The following PCDH7 variants were observed in gnomAD, a reference collection of about 807,000 sequenced individuals.
PCDH7 encodes the protein protocadherin-7.
PCDH7 carries 17 observed loss-of-function variants against 58.9 expected under a neutral mutation model. The observed-to-expected ratio is 0.29, with a 90% CI of 0.20 to 0.43. PCDH7 has a LOEUF of 0.43. Among genes scored for constraint, PCDH7 ranks in the 20% least tolerant of loss-of-function variants. PCDH7 has a pLI of 1.00. For missense variants in PCDH7, 1,274 were observed against 1,441.0 expected, an observed-to-expected ratio of 0.88 and a Z score of 1.88; for synonymous variants, 664 against 616.4, an observed-to-expected ratio of 1.08 and a Z score of -1.14.
At chr4:31,079,418 T>G (rs1480200878) in intron 3 of PCDH7, among the ~76,000 whole-genome samples, 2 of 140,992 alleles carry the variant, frequency 1.4e-5, no homozygotes, top group Non-Finnish European at 3.1e-5. Context: ...GTTATCCAAG[T>G]GGCTGGTAAA....
chr4:30,986,758 G>A (rs1349354828), intron 3 of PCDH7, among the ~76,000 whole-genome samples: 2 of 151,928 alleles, frequency 1.3e-5, no homozygotes, highest in East Asian at 1.9e-4. Context: ...CGAGGTGGGC[G>A]GATCACGAAG....
chr4:30,898,130 C>A (rs922901896), intron 1 of PCDH7, among the ~76,000 whole-genome samples: 8 of 152,146 alleles, frequency 5.3e-5, no homozygotes, highest in African/African-American at 1.9e-4. Flanking sequence ...TTTCTATTTT[C>A]TATCCATAAA....
At chr4:31,131,766 T>A (rs1235602539) in intron 3 of PCDH7, among the ~76,000 whole-genome samples, 3 of 152,222 alleles carry the variant, frequency 2.0e-5, no homozygotes, top group African/African-American at 7.2e-5. Flanking sequence ...GCAAAGAGTT[T>A]GAGAATATGA....
At chr4:30,806,551 G>T (rs1336136843) in intron 1 of PCDH7, among the ~76,000 whole-genome samples, 1 of 151,702 alleles carries the variant, frequency 6.6e-6, no homozygotes, top group Non-Finnish European at 1.5e-5. Context: ...TGATCCACCT[G>T]CCTCGGCTTC....
chr4:31,111,557 AT>A (rs1716323108), intron 3 of PCDH7, among the ~76,000 whole-genome samples: 1 of 152,096 alleles, frequency 6.6e-6, no homozygotes, highest in Non-Finnish European at 1.5e-5. Flanking sequence ...TGATCGGCCC[AT>A]CTCGGCCTCC....
chr4:31,054,458 C>G (rs1415778279), intron 3 of PCDH7, among the ~76,000 whole-genome samples: 1 of 152,168 alleles, frequency 6.6e-6, no homozygotes, highest in Non-Finnish European at 1.5e-5. Flanking sequence ...AAAATACAAA[C>G]TAACCTCTTA....
intron 1 of PCDH7, among the ~76,000 whole-genome samples, chr4:30,865,031 A>G (rs1474735668): frequency 6.6e-6 from 1 of 152,086 alleles, no homozygotes; most frequent in Non-Finnish European, 1.5e-5. Context: ...GAAGCATATG[A>G]GAAGTAGGAG....
rs146787404 is a variant in PCDH7 at position 30,810,375 on chromosome 4, T to C, written c.70+85779T>C. 2.7e-3 allele frequency among the ~76,000 whole-genome samples: 408 copies of C among 152,192 alleles called. 1 individual carries two copies. Among genetic ancestry groups the C allele is most frequent in the African/African-American group, 9.4e-3 (391 of 41,570 alleles). ...TTTAATAAGTAGACATATAGCAATA[T>C]GAAATAGCTAATAACTAATTGGATC... On this transcript the variant is annotated intron_variant, in intron 1 of 3. Transcript: ENST00000509759.
At chr4:30,882,464 G>T (rs948079890) in intron 1 of PCDH7, among the ~76,000 whole-genome samples, 4 of 152,072 alleles carry the variant, frequency 2.6e-5, no homozygotes, top group Admixed American at 2.6e-4. Flanking sequence ...TCACTGTGCT[G>T]CCCAGGCAGG....
At chr4:30,925,505 C>A (rs1743746350) in intron 2 of PCDH7, among the ~76,000 whole-genome samples, 1 of 152,134 alleles carries the variant, frequency 6.6e-6, no homozygotes, top group South Asian at 2.1e-4. Context: ...CCTAAAATAC[C>A]AAATACCTGT....
chr4:31,089,445 G>T (rs150906916), intron 3 of PCDH7, among the ~76,000 whole-genome samples: 2 of 151,616 alleles, frequency 1.3e-5, no homozygotes, highest in African/African-American at 2.4e-5. Flanking sequence ...ATTTTTCTTG[G>T]CATTACTTTT....
intron 1 of PCDH7, among the ~76,000 whole-genome samples, chr4:30,894,254 T>C (rs1252146118): frequency 6.6e-6 from 1 of 151,502 alleles, no homozygotes; most frequent in Non-Finnish European, 1.5e-5. Flanking sequence ...AGAAAACACT[T>C]ATCCCAAAGA....
intron 1 of PCDH7, among the ~76,000 whole-genome samples, chr4:30,871,232 G>A (rs1735536824): frequency 6.6e-6 from 1 of 152,028 alleles, no homozygotes; most frequent in Admixed American, 6.6e-5. Context: ...TCATTCCAAG[G>A]ACTTACCCCC....
chr4:30,962,194 T>A (rs1748497294), intron 3 of PCDH7, among the ~76,000 whole-genome samples: 1 of 152,148 alleles, frequency 6.6e-6, no homozygotes, highest in African/African-American at 2.4e-5. Context: ...ATTAAGGTCC[T>A]AAAACACAGA....
At chr4:30,987,541 A>G (rs1473889818) in intron 3 of PCDH7, 1 of 152,056 alleles carries the variant, frequency 6.6e-6, no homozygotes, top group African/African-American at 2.4e-5. Context: ...TGGCTTGTAT[A>G]ATAGTATTTT....
At chr4:31,051,835 G>GGT (rs1213734763) in intron 3 of PCDH7, among the ~76,000 whole-genome samples, 3 of 146,330 alleles carry the variant, frequency 2.1e-5, no homozygotes, top group Admixed American at 2.0e-4. Flanking sequence ...GGTGTGTGTG[G>GGT]GGGGCGGGTA....
At chr4:30,767,561 G>A (rs568585862) in intron 1 of PCDH7, among the ~76,000 whole-genome samples, 1 of 152,252 alleles carries the variant, frequency 6.6e-6, no homozygotes, top group Non-Finnish European at 1.5e-5. Context: ...GGACAGAGAT[G>A]GTAACAAGAA....
At chr4:30,784,382 C>A (rs949860854) in intron 1 of PCDH7, among the ~76,000 whole-genome samples, 3 of 152,096 alleles carry the variant, frequency 2.0e-5, no homozygotes, top group African/African-American at 7.2e-5. Flanking sequence ...ATTTGTTGAG[C>A]ACATCACAGC....
intron 1 of PCDH7, among the ~76,000 whole-genome samples, chr4:30,753,849 T>C (rs1045582311): frequency 2.6e-5 from 4 of 152,120 alleles, no homozygotes; most frequent in Non-Finnish European, 5.9e-5. Flanking sequence ...ATTGCACATA[T>C]AAATATGGAA....
Sources: allele counts gnomAD v4.1 joint callset (sites outside exome capture counted in the v4.1 genomes callset), GRCh38; gene constraint gnomAD v4.1.1; transcripts MANE v1.5; gene names NCBI Gene and HGNC (gene_info 2026-07-23, HGNC 2026-07-21).